The following APC variants were observed in gnomAD, a reference collection of about 807,000 sequenced individuals.
APC encodes the protein adenomatous polyposis coli protein.
A neutral mutation model predicts 247.0 loss-of-function variants in APC; 72 were observed. The ratio of observed to expected loss-of-function variants is 0.29; its 90% CI spans 0.24 to 0.35. The LOEUF (loss-of-function observed/expected upper bound fraction) is 0.35. Ranked by LOEUF, APC falls within the 10% of genes least tolerant of loss-of-function variation. The pLI, the probability that APC is intolerant of heterozygous loss-of-function variation, is 1.00. For missense variants in APC, 3,400 were observed against 3,360.7 expected, an observed-to-expected ratio of 1.01 and a Z score of -0.29; for synonymous variants, 1,254 against 1,162.5, an observed-to-expected ratio of 1.08 and a Z score of -1.60.
chr5:112,753,911 C>T (rs114195436), intron 1 of APC, among the ~76,000 whole-genome samples: 20 of 152,176 alleles, frequency 1.3e-4, no homozygotes, highest in Non-Finnish European at 2.9e-4. Context: ...TTATTTGTTC[C>T]AAAATGATTT....
chr5:112,789,269 A>C (rs987832318), intron 6 of APC, among the ~76,000 whole-genome samples: 1 of 152,230 alleles, frequency 6.6e-6, no homozygotes, highest in East Asian at 1.9e-4. Context: ...CCAAAAATCC[A>C]AATTGTGAAG....
rs907579457 is a variant in APC, at chr5:112,834,888, T to G, written c.1744-63T>G. On this transcript the variant is annotated intron_variant, in intron 14 of 15. Coordinates refer to ENST00000257430, the MANE Select transcript of APC (RefSeq NM_000038.6). ...TAGCTTTTATTCAATATCAGTAACA[T>G]AGAAGTTAATGAGAGACAAATTCCA... The G allele has an allele frequency of 7.1e-6, 10 of 1,405,682 alleles. No individual in the cohort carries two copies. In the African/African-American group the frequency reaches 9.9e-5, roughly 14 times the overall value. The allele number at this position is 1,405,682 out of a possible 1,614,324, so 87.1% of individuals were successfully genotyped here.
At chr5:112,757,224 G>C (rs1355999547) in intron 2 of APC, among the ~76,000 whole-genome samples, 1 of 151,838 alleles carries the variant, frequency 6.6e-6, no homozygotes, top group Non-Finnish European at 1.5e-5. Context: ...CTCTTTTTAA[G>C]GTTTTATGCT....
At chr5:112,836,327 A>G (rs1325437785) in intron 15 of APC, among the ~76,000 whole-genome samples, 1 of 152,060 alleles carries the variant, frequency 6.6e-6, no homozygotes, top group Non-Finnish European at 1.5e-5. Flanking sequence ...TACTGCGCCT[A>G]GCCAAAAATA....
intron 1 of APC, among the ~76,000 whole-genome samples, chr5:112,719,727 G>T (rs1751379049): frequency 6.6e-6 from 1 of 151,958 alleles, no homozygotes; most frequent in African/African-American, 2.4e-5. Flanking sequence ...TAGAGATGGA[G>T]TTTCAGTATG....
At chr5:112,767,427 A>G (rs1756484119) in intron 4 of APC, 37 bp downstream of exon 4, 1 of 1,454,156 alleles carries the variant, frequency 6.9e-7, no homozygotes, top group South Asian at 1.2e-5. Context: ...TGCCTTGTGT[A>G]CTCCAGTTTA....
rs2149629847 is a variant in APC at position 112,707,623 on chromosome 5, C to T, written c.-95C>T. ...CGGGCTCAGGCCCGGGAGCTGCGGACCGAGGTTGGCTCGATGCTGTTCCCA... is the reference window on the plus strand; with the variant it reads ...CGGGCTCAGGCCCGGGAGCTGCGGATCGAGGTTGGCTCGATGCTGTTCCCA... On this transcript the variant is annotated 5_prime_UTR_variant, in exon 1 of 14. Transcript: ENST00000507379. The T allele has an allele frequency of 7.7e-7, 1 of 1,295,594 alleles. No homozygotes were observed. The highest frequency in any genetic ancestry group is 3.6e-5 in the East Asian group (1 of 28,008). 80.3% of individuals were successfully genotyped at this position (1,295,594 alleles called of 1,614,324 possible).
chr5:112,759,626 A>G (rs1031809863), intron 2 of APC, among the ~76,000 whole-genome samples: 6 of 152,082 alleles, frequency 3.9e-5, no homozygotes, highest in Admixed American at 6.5e-5. Flanking sequence ...AAGTGCTGGG[A>G]TTACAGGCGT....
chr5:112,764,840 T>C (rs1160762674), intron 2 of APC, among the ~76,000 whole-genome samples: 1 of 152,224 alleles, frequency 6.6e-6, no homozygotes, highest in Non-Finnish European at 1.5e-5. Context: ...ATGAGAGTTC[T>C]TAAATGGAAG....
intron 2 of APC, among the ~76,000 whole-genome samples, chr5:112,759,620 G>C (rs1428166573): frequency 6.6e-6 from 1 of 152,034 alleles, no homozygotes; most frequent in East Asian, 1.9e-4. Flanking sequence ...CCTCCAAAGT[G>C]CTGGGATTAC....
chr5:112,790,630 C>T (rs890024351), intron 6 of APC, among the ~76,000 whole-genome samples: 7 of 151,958 alleles, frequency 4.6e-5, no homozygotes, highest in Admixed American at 2.0e-4. Flanking sequence ...TGCCCGGCAG[C>T]GAACACAACT....
At chr5:112,754,781 TA>T (rs2149736233) in intron 1 of APC, 91 bp from the exon 2 acceptor site, 1 of 1,213,004 alleles carries the variant, frequency 8.2e-7, no homozygotes, top group African/African-American at 1.5e-5. Flanking sequence ...TTAAACGTCT[TA>T]AGAGTTTTGT....
intron 1 of APC, among the ~76,000 whole-genome samples, chr5:112,742,063 G>C (rs540272912): frequency 6.6e-6 from 1 of 152,244 alleles, no homozygotes; most frequent in African/African-American, 2.4e-5. Flanking sequence ...TGTCTATCAT[G>C]AATAATGCTA....
chr5:112,736,665 C>A (rs370800627), upstream of APC, among the ~76,000 whole-genome samples: 28 of 152,266 alleles, frequency 1.8e-4, no homozygotes, highest in African/African-American at 5.5e-4. Flanking sequence ...CATGTAATCC[C>A]AGTACTTGGA....
At chr5:112,759,262 C>T (rs983949945) in intron 2 of APC, among the ~76,000 whole-genome samples, 9 of 151,930 alleles carry the variant, frequency 5.9e-5, no homozygotes, top group Admixed American at 1.3e-4. Context: ...GTAGCAGCCT[C>T]CCTGAAATGA....
chr5:112,804,290 G>C (rs148568102), intron 8 of APC, among the ~76,000 whole-genome samples: 22 of 152,108 alleles, frequency 1.4e-4, no homozygotes, highest in African/African-American at 9.6e-5. Flanking sequence ...AGTCCTTTAA[G>C]CCACACCTGC....
chr5:112,797,078 A>G (rs1452067076), intron 7 of APC, among the ~76,000 whole-genome samples: 1 of 152,010 alleles, frequency 6.6e-6, no homozygotes, highest in Non-Finnish European at 1.5e-5. Flanking sequence ...TGTTTCTTGT[A>G]TCTGTTCAAA....
intron 7 of APC, among the ~76,000 whole-genome samples, chr5:112,798,293 C>T (rs1172071332): frequency 6.6e-6 from 1 of 152,148 alleles, no homozygotes; most frequent in Non-Finnish European, 1.5e-5. Flanking sequence ...GATGAACCTC[C>T]AGAACATGCT....
At chr5:112,794,131 C>T (rs1443773189) in intron 7 of APC, among the ~76,000 whole-genome samples, 1 of 151,894 alleles carries the variant, frequency 6.6e-6, no homozygotes, top group East Asian at 1.9e-4. Flanking sequence ...AAGTTTCTGT[C>T]ACCCAGGCTG....
Sources: allele counts gnomAD v4.1 joint callset (sites outside exome capture counted in the v4.1 genomes callset), GRCh38; gene constraint gnomAD v4.1.1; transcripts MANE v1.5; gene names NCBI Gene and HGNC (gene_info 2026-07-23, HGNC 2026-07-21).